The following DNAJC3 variants were observed in gnomAD, a reference collection of about 807,000 sequenced individuals.
DNAJC3 encodes the protein DnaJ heat shock protein family (Hsp40) member C3, also known as dnaJ homolog subfamily C member 3.
DNAJC3 carries 38 observed loss-of-function variants against 68.6 expected under a neutral mutation model. The ratio of observed to expected loss-of-function variants is 0.55; its 90% CI spans 0.43 to 0.73. The LOEUF (loss-of-function observed/expected upper bound fraction) is 0.73, where lower values mean the gene tolerates loss of function less well. Ranked by LOEUF, DNAJC3 falls within the 30% of genes least tolerant of loss-of-function variation. DNAJC3 has a pLI of 0.00. For synonymous variants in DNAJC3, 203 were observed against 204.0 expected (o/e 1.00, Z 0.04); for missense variants, 526 against 591.9 (o/e 0.89, Z 1.16).
At chr13:95,747,243 GAATT>G (rs1441737067) in intron 4 of DNAJC3, among the ~76,000 whole-genome samples, 4 of 152,272 alleles carry the variant, frequency 2.6e-5, no homozygotes, top group East Asian at 1.9e-4. Context: ...ACTAGAGTAA[GAATT>G]AATCAGGCAA....
At chr13:95,685,288 G>A (rs1433345611) in intron 1 of DNAJC3, among the ~76,000 whole-genome samples, 1 of 152,250 alleles carries the variant, frequency 6.6e-6, no homozygotes, top group African/African-American at 2.4e-5. Context: ...TTATTTTGGA[G>A]CTTTAAGATT....
intron 2 of DNAJC3, among the ~76,000 whole-genome samples, chr13:95,717,506 T>C (rs1429395530): frequency 6.6e-6 from 1 of 152,206 alleles, no homozygotes; most frequent in Non-Finnish European, 1.5e-5. Context: ...AGGAGTTCAG[T>C]TGGGTGAGCT....
intron 9 of DNAJC3, among the ~76,000 whole-genome samples, chr13:95,784,330 T>C (rs1469751066): frequency 6.6e-6 from 1 of 152,130 alleles, no homozygotes; most frequent in Non-Finnish European, 1.5e-5. Flanking sequence ...TACTCAGGGC[T>C]TTCATTCCAG....
At chr13:95,787,899 GCTGC>G (rs554422385) in intron 11 of DNAJC3, among the ~76,000 whole-genome samples, 2,274 of 152,250 alleles carry the variant, frequency 0.015, 62 homozygotes, top group African/African-American at 0.052. Context: ...ATGCTTTGCT[GCTGC>G]CAGAGAATTT....
chr13:95,701,907 C>T (rs1225595211), intron 1 of DNAJC3, among the ~76,000 whole-genome samples: 1 of 152,156 alleles, frequency 6.6e-6, no homozygotes, highest in African/African-American at 2.4e-5. Context: ...AAACATATCG[C>T]AAAGTTGAAA....
intron 4 of DNAJC3, among the ~76,000 whole-genome samples, chr13:95,749,076 GAAT>G (rs1267639886): frequency 6.6e-6 from 1 of 152,134 alleles, no homozygotes; most frequent in African/African-American, 2.4e-5. Flanking sequence ...ACTACTAGAA[GAAT>G]AAATGCTGCC....
Position 95,784,501 on chromosome 13 carries a change from G to A in DNAJC3, c.1076-1438G>A, listed in dbSNP as rs923764886. On this transcript the variant is annotated intron_variant, in intron 9 of 11. Coordinates refer to ENST00000602402, the MANE Select transcript of DNAJC3 (RefSeq NM_006260.5). Reference sequence around the variant, plus strand: ...CAATGTGTGAAATGTTGTCTACCAGGGAAGCTCGTTATAGACACTGCACCC... The same window carrying A: ...CAATGTGTGAAATGTTGTCTACCAGAGAAGCTCGTTATAGACACTGCACCC... Among the ~76,000 whole-genome samples, 4 of 152,138 alleles carry A rather than the reference G, an allele frequency of 2.6e-5. No homozygotes were observed. The East Asian group carries it at 7.7e-4, about 29-fold the overall frequency.
chr13:95,728,183 G>C (rs1049316184), intron 4 of DNAJC3, among the ~76,000 whole-genome samples: 1 of 152,108 alleles, frequency 6.6e-6, no homozygotes, highest in African/African-American at 2.4e-5. Flanking sequence ...ACAGATGTTT[G>C]TGTGAACGTG....
At chr13:95,677,977 A>C (rs999932440) in intron 1 of DNAJC3, among the ~76,000 whole-genome samples, 1 of 152,200 alleles carries the variant, frequency 6.6e-6, no homozygotes, top group Non-Finnish European at 1.5e-5. Flanking sequence ...ACATGGTGTC[A>C]TTCAACGTAT....
intron 9 of DNAJC3, among the ~76,000 whole-genome samples, chr13:95,771,391 G>C (rs1883154590): frequency 6.6e-6 from 1 of 152,148 alleles, no homozygotes. Context: ...GTGGGGTCTT[G>C]TACTGGGGAG....
At chr13:95,725,276 C>G (rs534359206) in intron 4 of DNAJC3, 24 bp downstream of exon 4, 15 of 1,522,660 alleles carry the variant, frequency 9.9e-6, no homozygotes, top group Admixed American at 2.2e-5. Flanking sequence ...GTATTTGACT[C>G]TAGGAAGATG....
In DNAJC3 at chr13:95,680,223, T is replaced by C. The variant is rs577554566; in HGVS notation, c.82+2886T>C. Among the ~76,000 whole-genome samples, 15 of 152,344 alleles carry C rather than the reference T, an allele frequency of 9.8e-5. No individual in the cohort carries two copies. The East Asian group carries it at 2.7e-3, about 27-fold the overall frequency. On this transcript the variant is annotated intron_variant, in intron 1 of 11. Coordinates refer to ENST00000602402, the MANE Select transcript of DNAJC3 (RefSeq NM_006260.5). ...CACAGCCTGGGAACGAAACCTTTTT[T>C]CTCTTATCATAGTTTTATCTCTTTT...
At chr13:95,708,461 C>T (rs531467854) in intron 1 of DNAJC3, among the ~76,000 whole-genome samples, 2 of 152,308 alleles carry the variant, frequency 1.3e-5, no homozygotes, top group East Asian at 3.9e-4. Flanking sequence ...TCTGCTGCAG[C>T]CATCCAGGCC....
intron 1 of DNAJC3, among the ~76,000 whole-genome samples, chr13:95,690,754 C>G (rs1239886268): frequency 6.8e-6 from 1 of 146,986 alleles, no homozygotes; most frequent in Admixed American, 6.7e-5. Context: ...AGAGGCGCCC[C>G]TCACTTTCCG....
chr13:95,791,102 AT>A lies in DNAJC3; in HGVS notation c.*73del, dbSNP rs1317904372. 2 of 1,551,968 alleles carry A rather than the reference AT, an allele frequency of 1.3e-6. No homozygotes were observed. The highest frequency in any genetic ancestry group is 1.4e-5 in the African/African-American group (1 of 71,868). ...AAAGAAATCTTGTTCCGGGACCCTA[AT>A]GAAAAAAAATTTCAAATCTTTTCAG... On this transcript the variant is annotated 3_prime_UTR_variant, in exon 12 of 12. Coordinates refer to ENST00000602402, the MANE Select transcript of DNAJC3 (RefSeq NM_006260.5).
chr13:95,773,729 G>GTC lies in DNAJC3; in HGVS notation c.1075+9778_1075+9779dup, dbSNP rs1221656379. Among the ~76,000 whole-genome samples, 194 of 132,968 alleles carry GTC rather than the reference G, an allele frequency of 1.5e-3. 7 individuals are homozygous for GTC. The highest frequency in any genetic ancestry group is 5.5e-3 in the African/African-American group (185 of 33,714). 87.2% of individuals were successfully genotyped at this position (132,968 alleles called of 152,430 possible). A position where few individuals can be genotyped will look rare whatever the true frequency, so the allele number is the denominator to read the frequency against. On this transcript the variant is annotated intron_variant, in intron 9 of 11. Transcript: ENST00000602402. ...AGACAAAGTTTGGTCAATTTTGTTG[G>GTC]TCTTTTTTTTTTTTTTTTTTTTTTT...
chr13:95,708,986 C>T (rs770874737), intron 1 of DNAJC3, among the ~76,000 whole-genome samples: 111 of 152,102 alleles, frequency 7.3e-4, no homozygotes, highest in Non-Finnish European at 1.4e-3. Flanking sequence ...CCTTTATTTT[C>T]TGGACTGGTT....
chr13:95,764,851 T>C (rs1298759991), intron 9 of DNAJC3, among the ~76,000 whole-genome samples: 1 of 150,990 alleles, frequency 6.6e-6, no homozygotes, highest in Non-Finnish European at 1.5e-5. Flanking sequence ...AAATGAGCCT[T>C]ATAAGCCCTT....
At chr13:95,769,287 A>G (rs1883098266) in intron 9 of DNAJC3, among the ~76,000 whole-genome samples, 2 of 152,068 alleles carry the variant, frequency 1.3e-5, no homozygotes, top group African/African-American at 4.8e-5. Flanking sequence ...CATGAAAGAG[A>G]CCATTCCCTC....
Sources: gnomAD v4.1 joint callset for allele counts (sites outside exome capture counted in the v4.1 genomes callset) on GRCh38, gnomAD v4.1.1 for gene constraint, MANE v1.5 for transcripts, NCBI Gene and HGNC (gene_info 2026-07-23, HGNC 2026-07-21) for gene names.